The following PASK variants were observed in gnomAD, a reference collection of about 807,000 sequenced individuals.
The protein encoded by PASK is PAS domain containing serine/threonine kinase, also known as PAS domain-containing serine/threonine-protein kinase.
PASK carries 110 observed loss-of-function variants against 121.0 expected under a neutral mutation model. That is an observed-to-expected ratio of 0.91 (90% CI 0.78 to 1.06). The LOEUF is 1.06. Among genes scored for constraint, PASK ranks in the 50% least tolerant of loss-of-function variants. The pLI, the probability that PASK is intolerant of heterozygous loss-of-function variation, is 0.00. For synonymous variants in PASK, 686 were observed against 717.8 expected (o/e 0.96, Z 0.71); for missense variants, 1,643 against 1,702.3 (o/e 0.97, Z 0.61).
chr2:241,133,111 T>A, intron 8 of PASK, 81 bp from the exon 9 acceptor site: 1 of 1,374,392 alleles, frequency 7.3e-7, no homozygotes, highest in Non-Finnish European at 1.0e-6. Context: ...TGGAACTCAC[T>A]GAGACTGCTT....
intron 1 of PASK, among the ~76,000 whole-genome samples, chr2:241,147,179 C>T (rs1214557610): frequency 6.6e-6 from 1 of 152,122 alleles, no homozygotes. Flanking sequence ...ACTTTTAGAA[C>T]CAACCTATAG....
At chr2:241,113,904 C>T in intron 14 of PASK, 1 of 984,472 alleles carries the variant, frequency 1.0e-6, no homozygotes, top group Non-Finnish European at 1.2e-6. Context: ...GATGTGCGAT[C>T]ATATACTTTA....
chr2:241,139,723 G>A, intron 4 of PASK, 162 bp downstream of exon 4: 2 of 738,948 alleles, frequency 2.7e-6, no homozygotes, highest in South Asian at 3.0e-5. Context: ...TGCAGCTGAA[G>A]CGGGGAAACG....
At chr2:241,122,514 T>C (rs569681146) in intron 12 of PASK, among the ~76,000 whole-genome samples, 1 of 152,326 alleles carries the variant, frequency 6.6e-6, no homozygotes, top group East Asian at 1.9e-4. Flanking sequence ...GTTCGAGGTC[T>C]GAATCTACAA....
At chr2:241,127,869 C>T (rs1184695863) in intron 9 of PASK, 7 of 300,624 alleles carry the variant, frequency 2.3e-5, no homozygotes, top group African/African-American at 1.3e-4. Context: ...TGGTAAACTC[C>T]ACAACAGTAA....
intron 8 of PASK, among the ~76,000 whole-genome samples, chr2:241,135,341 C>T (rs1449664939): frequency 6.6e-6 from 1 of 152,118 alleles, no homozygotes; most frequent in Non-Finnish European, 1.5e-5. Flanking sequence ...AATCCGAGCA[C>T]CCTCAAGTCC....
chr2:241,112,431 T>C lies in PASK; in HGVS notation c.3342A>G (p.Ser1114=), dbSNP rs1372265402. 6.2e-7 allele frequency: 1 copy of C among 1,612,030 alleles called. No homozygotes were observed. Among genetic ancestry groups the C allele is most frequent in the South Asian group, 1.1e-5 (1 of 91,030 alleles). The change falls in exon 15 of 18, where the codon TCA becomes TCG. Residue 1114 remains serine, a synonymous_variant. Transcript: ENST00000234040. The surrounding 1 kb of genome is among the most constrained non-coding windows in gnomAD (Gnocchi z 5.2). ...LASYIFRQLV[S]AVGYLRLKDI... is the part of the protein sequence containing the mutation. The stretch of plus-strand genomic sequence containing the variant: ...CCTTCAAGCGCAGGTATCCCACTGC[T>C]GACACTAGCTGGAATCAGGAGGCCA...
At chr2:241,142,717 CT>C in intron 2 of PASK, 119 bp downstream of exon 2, 1 of 810,926 alleles carries the variant, frequency 1.2e-6, no homozygotes, top group Non-Finnish European at 2.1e-6. Context: ...AAACCACGAA[CT>C]TTTCTCTGCA....
Position 241,139,946 on chromosome 2 carries a change from TCCA to T in PASK, c.536_538del (p.Val179del), listed in dbSNP as rs749017093. On this transcript the variant is annotated inframe_deletion, in exon 4 of 18. Transcript: ENST00000234040. ...CTCCATGTGCTCCTCGCTGAGGGCC[TCCA>T]CCACATCAGAATCTGACCTCAGAAA... 5.0e-6 allele frequency: 8 copies of T among 1,614,112 alleles called. No homozygotes were observed. Among genetic ancestry groups the T allele is most frequent in the Admixed American group, 3.3e-5 (2 of 60,036 alleles).
At chr2:241,113,077 G>A (rs1454126941) in intron 14 of PASK, among the ~76,000 whole-genome samples, 1 of 152,230 alleles carries the variant, frequency 6.6e-6, no homozygotes, top group African/African-American at 2.4e-5. Context: ...AGGTGCAGCT[G>A]CAGTGCTCCA....
intron 6 of PASK, 42 bp from the exon 7 acceptor site, chr2:241,137,306 G>C (rs762868065): frequency 1.3e-6 from 2 of 1,579,512 alleles, no homozygotes; most frequent in East Asian, 4.5e-5. Flanking sequence ...CGTGTTTCAC[G>C]TGGACAGAGC....
chr2:241,108,219 C>G lies in PASK; in HGVS notation c.3615G>C (p.Glu1205Asp). 2 of 1,614,034 alleles carry G rather than the reference C, an allele frequency of 1.2e-6. No homozygotes were observed. The highest frequency in any genetic ancestry group is 1.7e-6 in the Non-Finnish European group (2 of 1,179,938). The change falls in exon 16 of 18, where the codon GAG (glutamate) becomes GAC (aspartate). Residue 1205 changes from glutamate (E) to aspartate (D), a missense_variant. Around this residue, in one of 3 missense-constraint regions of PASK, gnomAD observed 453 missense variants for 511.2 expected, o/e 0.89. Transcript: ENST00000234040. The surrounding 1 kb of genome is among the most constrained non-coding windows in gnomAD (Gnocchi z 5.2). Reference sequence around the variant, plus strand: ...TGGCAGCCTCCACGGTCTCCTCCAGCTCACAGAAGGGGTTCTCCTCAAAGA... The same window carrying G: ...TGGCAGCCTCCACGGTCTCCTCCAGGTCACAGAAGGGGTTCTCCTCAAAGA... The part of the protein sequence containing the change: ...TLVFEENPFC[E>D]LEETVEAAIH...
intron 1 of PASK, among the ~76,000 whole-genome samples, chr2:241,148,596 T>C (rs991366942): frequency 6.6e-6 from 1 of 152,210 alleles, no homozygotes; most frequent in Non-Finnish European, 1.5e-5. Flanking sequence ...CTCCTATGCC[T>C]GCCCAAAGTC....
At chr2:241,147,485 G>T (rs2067007322) in intron 1 of PASK, among the ~76,000 whole-genome samples, 1 of 152,164 alleles carries the variant, frequency 6.6e-6, no homozygotes, top group Non-Finnish European at 1.5e-5. Context: ...GCAAGGTGTG[G>T]TGGCACATGC....
chr2:241,141,525 G>A (rs147179789), intron 2 of PASK, among the ~76,000 whole-genome samples: 65 of 151,854 alleles, frequency 4.3e-4, no homozygotes, highest in Non-Finnish European at 7.8e-4. Context: ...CACCCTCCTC[G>A]GGCACCTGGG....
At chr2:241,120,981 T>C (rs1000139265) in intron 12 of PASK, among the ~76,000 whole-genome samples, 2 of 152,202 alleles carry the variant, frequency 1.3e-5, no homozygotes, top group Non-Finnish European at 2.9e-5. Flanking sequence ...TAATGGAATA[T>C]TACTCGGTCA....
At chr2:241,148,398 A>T (rs2067079578) in intron 1 of PASK, among the ~76,000 whole-genome samples, 1 of 152,216 alleles carries the variant, frequency 6.6e-6, no homozygotes, top group Admixed American at 6.5e-5. Flanking sequence ...TTTCAGGATG[A>T]GGCCAACAAG....
chr2:241,111,187 G>A (rs746787615), intron 15 of PASK, among the ~76,000 whole-genome samples: 1 of 152,220 alleles, frequency 6.6e-6, no homozygotes, highest in Admixed American at 6.5e-5. Context: ...GCGTGACTGC[G>A]AGCAAATGCC....
chr2:241,107,320 CAT>C lies in PASK; in HGVS notation c.3814+31_3814+32del, dbSNP rs781444590. On this transcript the variant is annotated intron_variant, in intron 17 of 17. Coordinates refer to ENST00000234040, the MANE Select transcript of PASK (RefSeq NM_015148.4). The stretch of plus-strand genomic sequence containing the variant: ...GGGACCTCGTTATTCCAAGTGAAGT[CAT>C]GTGGGGTGGAGGGATGCTGAGAAGC... The C allele has an allele frequency of 5.2e-5, 84 of 1,601,306 alleles. 1 individual carries two copies. In the South Asian group the frequency reaches 7.3e-4, roughly 14 times the overall value.
Sources: gnomAD v4.1 joint callset for allele counts (sites outside exome capture counted in the v4.1 genomes callset) on GRCh38, gnomAD v4.1.1 for gene constraint, gnomAD v4.1.1 regional missense constraint, Gnocchi (gnomAD v3.1) non-coding constraint, MANE v1.5 for transcripts, NCBI Gene and HGNC (gene_info 2026-07-23, HGNC 2026-07-21) for gene names.